The following MEAF6 variants were observed in gnomAD, a reference collection of about 807,000 sequenced individuals.
MEAF6 encodes the protein chromatin modification-related protein MEAF6.
Under a neutral mutation model 28.9 loss-of-function variants are expected in MEAF6, and 15 were observed. The observed-to-expected ratio is 0.52, with a 90% CI of 0.35 to 0.80. The LOEUF is 0.80. Among genes scored for constraint, MEAF6 ranks in the 30% least tolerant of loss-of-function variants. The pLI is 0.01. For missense variants in MEAF6, 178 were observed against 237.5 expected (o/e 0.75, Z 1.65); for synonymous variants, 97 against 88.7 (o/e 1.09, Z -0.53).
At chr1:37,513,824 G>C in intron 1 of MEAF6, 1 of 509,478 alleles carries the variant, frequency 2.0e-6, no homozygotes. Context: ...CATGAGTCAA[G>C]AGCCCAGGCT....
Position 37,514,751 on chromosome 1 carries a change from G to C in MEAF6, c.-5C>G. On this transcript the variant is annotated 5_prime_UTR_variant, in exon 1 of 7. Coordinates refer to ENST00000296214, the MANE Select transcript of MEAF6 (RefSeq NM_001270875.3). ...CGCCTTGTTGTGCATCGCCATGTTG[G>C]GCTGAGGCGGGCGGCGGCGGCGCGA... The C allele has an allele frequency of 4.8e-6, 7 of 1,471,300 alleles. No homozygotes were observed. The highest frequency in any genetic ancestry group is 6.3e-6 in the Non-Finnish European group (7 of 1,112,824). 91.1% of individuals were successfully genotyped at this position (1,471,300 alleles called of 1,614,324 possible). A position where few individuals can be genotyped will look rare whatever the true frequency, so the allele number is the denominator to read the frequency against.
intron 5 of MEAF6, among the ~76,000 whole-genome samples, chr1:37,498,570 C>A (rs1642195564): frequency 6.6e-6 from 1 of 151,780 alleles, no homozygotes; most frequent in Admixed American, 6.6e-5. Flanking sequence ...GCTGAGACTA[C>A]AGGCATGCCA....
At chr1:37,501,739 T>C in intron 5 of MEAF6, 65 bp downstream of exon 5, 1 of 1,381,202 alleles carries the variant, frequency 7.2e-7, no homozygotes, top group East Asian at 2.4e-5. Context: ...AGAGTTTTTA[T>C]TCTAGGCAAT....
chr1:37,498,220 T>C (rs1031411916), intron 5 of MEAF6, among the ~76,000 whole-genome samples: 1 of 152,188 alleles, frequency 6.6e-6, no homozygotes, highest in African/African-American at 2.4e-5. Context: ...CAAAATAGTT[T>C]CACTTTAGAC....
chr1:37,510,525 G>A (rs1642634600), intron 2 of MEAF6, among the ~76,000 whole-genome samples: 1 of 150,584 alleles, frequency 6.6e-6, no homozygotes, highest in Non-Finnish European at 1.5e-5. Flanking sequence ...GGGACTACAG[G>A]CGCACCCCAC....
At chr1:37,514,141 C>T (rs1642756785) in intron 1 of MEAF6, 2 of 160,936 alleles carry the variant, frequency 1.2e-5, no homozygotes, top group Admixed American at 1.2e-4. Flanking sequence ...CTGTCACCTT[C>T]TAGATGTTCC....
In MEAF6 at chr1:37,490,378, CCTT is replaced by C. The variant is rs1641888639; in HGVS notation, c.*3718_*3720del. ...TGACACAGGTATGAAAATTCCAATCCCTTCTTTTCACTATCATTGTATCTGACA... is the reference window on the plus strand; with the variant it reads ...TGACACAGGTATGAAAATTCCAATCCCTTTTCACTATCATTGTATCTGACA... On this transcript the variant is annotated 3_prime_UTR_variant, in exon 7 of 7. Transcript: ENST00000296214. 6.6e-6 allele frequency among the ~76,000 whole-genome samples: 1 copy of C among 152,010 alleles called. No individual in the cohort carries two copies. The highest frequency in any genetic ancestry group is 2.1e-4 in the South Asian group (1 of 4,822).
chr1:37,514,735 G>A lies in MEAF6; in HGVS notation c.12C>T (p.His4=). 6.6e-7 allele frequency: 1 copy of A among 1,523,044 alleles called. No homozygotes were observed. The highest frequency in any genetic ancestry group is 1.2e-5 in the South Asian group (1 of 83,252). The allele number at this position is 1,523,044 out of a possible 1,614,324, so 94.3% of individuals were successfully genotyped here. The change falls in exon 1 of 7, where the codon CAC becomes CAT. Residue 4 remains histidine (H), a synonymous_variant. Transcript: ENST00000296214. MAM[H]NKAAPPQIPD... ...GGATCTGCGGCGGCGCCGCCTTGTT[G>A]TGCATCGCCATGTTGGGCTGAGGCG...
chr1:37,494,520 A>C (rs1642049218), intron 6 of MEAF6, among the ~76,000 whole-genome samples: 1 of 146,094 alleles, frequency 6.8e-6, no homozygotes, highest in African/African-American at 2.5e-5. Context: ...TGTTTCAAAA[A>C]AAAAAAAAAA....
At chr1:37,507,005 C>CA (rs1351212263) in intron 4 of MEAF6, among the ~76,000 whole-genome samples, 1 of 152,190 alleles carries the variant, frequency 6.6e-6, no homozygotes, top group African/African-American at 2.4e-5. Context: ...TAAGCCAGGG[C>CA]AAGATTACAG....
At position 37,494,073 on chromosome 1, in the gene MEAF6, T is replaced by G; in HGVS notation, c.*26A>C. ...AGAAGGGAAGCAGGGCTCTACAGCC[T>G]GGAAGCTTCTGCACTAATGTGTCTT... is the stretch of plus-strand genomic sequence containing the variant. On this transcript the variant is annotated 3_prime_UTR_variant, in exon 7 of 7. Coordinates refer to ENST00000296214, the MANE Select transcript of MEAF6 (RefSeq NM_001270875.3). 3 of 1,609,828 alleles carry G rather than the reference T, an allele frequency of 1.9e-6. No homozygotes were observed. Among genetic ancestry groups the G allele is most frequent in the Non-Finnish European group, 2.5e-6 (3 of 1,178,962 alleles).
intron 2 of MEAF6, among the ~76,000 whole-genome samples, chr1:37,512,192 GATAAAGTGACACAGAACTATATA>G (rs750315705): frequency 6.6e-6 from 1 of 152,134 alleles, no homozygotes; most frequent in Non-Finnish European, 1.5e-5. Context: ...CTACACACAA[GATAAAGTGACACAGAACTATATA>G]TATACATTGT....
chr1:37,499,414 A>C (rs77958772), intron 5 of MEAF6, among the ~76,000 whole-genome samples: 1,596 of 152,322 alleles, frequency 0.01, 31 homozygotes, highest in African/African-American at 0.036. Flanking sequence ...CCAATCTGCC[A>C]GCCCTACTGA....
chr1:37,513,712 A>G (rs1642740036), intron 1 of MEAF6, 174 bp from the exon 2 acceptor site: 2 of 619,000 alleles, frequency 3.2e-6, no homozygotes, highest in Admixed American at 2.7e-5. Flanking sequence ...AAGACAGTCT[A>G]GACCTTTGGG....
intron 4 of MEAF6, among the ~76,000 whole-genome samples, chr1:37,502,230 C>T (rs1280458745): frequency 6.6e-6 from 1 of 152,172 alleles, no homozygotes. Flanking sequence ...CCAGAGAGAA[C>T]AGCTCTAAGG....
rs761580671 is a variant in MEAF6, at chr1:37,509,332, A to C, written c.295-9T>G. On this transcript the variant is annotated splice_polypyrimidine_tract_variant and intron_variant, in intron 3 of 6. Coordinates refer to ENST00000296214, the MANE Select transcript of MEAF6 (RefSeq NM_001270875.3). ...GCCAATGCACTTACTGCCTAAAAGA[A>C]AAGCCACCAGTTACTAGAAAAGTGA... The C allele has an allele frequency of 1.9e-6, 3 of 1,613,940 alleles. No homozygotes were observed. The East Asian group carries it at 6.7e-5, about 36-fold the overall frequency.
chr1:37,494,191 A>T, intron 6 of MEAF6, 84 bp from the exon 7 acceptor site: 1 of 1,168,990 alleles, frequency 8.6e-7, no homozygotes, highest in Admixed American at 1.9e-5. Context: ...TCTCATAAAC[A>T]ACTCTACTAG....
rs931417173 is a variant in MEAF6, at chr1:37,501,550, C to G, written c.533+254G>C. On this transcript the variant is annotated intron_variant, in intron 5 of 6. Transcript: ENST00000296214. ...AGTATTCCATATTCACCATATGAAA[C>G]AAGGTTTTTATGGAATAAAACTATT... The G allele has an allele frequency of 1.1e-5, 4 of 350,556 alleles. No individual in the cohort carries two copies. In the Admixed American group the frequency reaches 1.4e-4, roughly 12 times the overall value. 21.7% of individuals were successfully genotyped at this position (350,556 alleles called of 1,614,324 possible). A position where few individuals can be genotyped will look rare whatever the true frequency, so the allele number is the denominator to read the frequency against.
Position 37,498,793 on chromosome 1 carries a change from T to C in MEAF6, c.534-2875A>G, listed in dbSNP as rs57527535. ...CCAGGAATGACATACTGTTCAGGTA[T>C]CATGTAAAATATAAGAATTCAGAAC... On this transcript the variant is annotated intron_variant, in intron 5 of 6. Coordinates refer to ENST00000296214, the MANE Select transcript of MEAF6 (RefSeq NM_001270875.3). Among the ~76,000 whole-genome samples, 302 of 152,244 alleles carry C rather than the reference T, an allele frequency of 2.0e-3. 1 individual carries two copies. The highest frequency in any genetic ancestry group is 7.0e-3 in the African/African-American group (289 of 41,550).
Sources: allele counts gnomAD v4.1 joint callset (sites outside exome capture counted in the v4.1 genomes callset), GRCh38; gene constraint gnomAD v4.1.1; transcripts MANE v1.5; gene names NCBI Gene and HGNC (gene_info 2026-07-23, HGNC 2026-07-21).